KCNT2: variants seen among roughly 807,000 people sequenced by gnomAD.
KCNT2 encodes potassium channel subfamily T member 2.
A neutral mutation model predicts 153.8 loss-of-function variants in KCNT2; 67 were observed. The ratio of observed to expected loss-of-function variants is 0.44; its 90% CI spans 0.36 to 0.53. The LOEUF (loss-of-function observed/expected upper bound fraction) is 0.53, where lower values mean the gene tolerates loss of function less well. Ranked by LOEUF, KCNT2 falls within the 20% of genes least tolerant of loss-of-function variation. The pLI, the probability that KCNT2 is intolerant of heterozygous loss-of-function variation, is 0.00. For synonymous variants in KCNT2, 500 were observed against 458.8 expected (o/e 1.09, Z -1.15); for missense variants, 975 against 1,354.8 (o/e 0.72, Z 4.40).
chr1:196,251,803 C>A (rs1571799915), intron 26 of KCNT2, among the ~76,000 whole-genome samples: 1 of 151,850 alleles, frequency 6.6e-6, no homozygotes, highest in East Asian at 1.9e-4. Flanking sequence ...ATTATAGAAA[C>A]CTTATTAACC....
chr1:196,298,489 A>G (rs1326253394), intron 22 of KCNT2, among the ~76,000 whole-genome samples: 1 of 152,192 alleles, frequency 6.6e-6, no homozygotes, highest in Non-Finnish European at 1.5e-5. Flanking sequence ...AAAGTCTTAA[A>G]GGGTCTCCCA....
chr1:196,234,430 T>G (rs1008824204), intron 27 of KCNT2, among the ~76,000 whole-genome samples: 2 of 151,134 alleles, frequency 1.3e-5, no homozygotes, highest in African/African-American at 4.8e-5. Flanking sequence ...AATAATCAAG[T>G]CTCATTTTCT....
At chr1:196,293,131 T>G (rs1419068438) in intron 22 of KCNT2, among the ~76,000 whole-genome samples, 1 of 151,994 alleles carries the variant, frequency 6.6e-6, no homozygotes, top group African/African-American at 2.4e-5. Flanking sequence ...ATGACACAAA[T>G]AAATCTAAAG....
intron 3 of KCNT2, among the ~76,000 whole-genome samples, chr1:196,484,947 G>A (rs557197550): frequency 6.6e-6 from 1 of 152,148 alleles, no homozygotes; most frequent in South Asian, 2.1e-4. Context: ...CCATTACTGG[G>A]TATATAACCA....
chr1:196,558,445 T>G (rs1209685997), intron 1 of KCNT2, among the ~76,000 whole-genome samples: 1 of 151,042 alleles, frequency 6.6e-6, no homozygotes, highest in African/African-American at 2.4e-5. Flanking sequence ...TTGGGGGGTG[T>G]TTTTTACTTG....
chr1:196,264,465 C>T (rs1050411824), intron 25 of KCNT2, among the ~76,000 whole-genome samples: 1 of 152,032 alleles, frequency 6.6e-6, no homozygotes, highest in African/African-American at 2.4e-5. Context: ...TACCATATCT[C>T]ATCATAAATA....
chr1:196,453,306 G>C (rs1163286771), intron 8 of KCNT2, among the ~76,000 whole-genome samples: 2 of 151,792 alleles, frequency 1.3e-5, no homozygotes, highest in African/African-American at 2.4e-5. Flanking sequence ...CTTTGGCTCA[G>C]GTGGTCGCAG....
chr1:196,606,946 A>T (rs2149044173), intron 1 of KCNT2, among the ~76,000 whole-genome samples: 1 of 152,308 alleles, frequency 6.6e-6, no homozygotes, highest in South Asian at 2.1e-4. Context: ...AGAAATTGGT[A>T]TTACTTCTTT....
chr1:196,587,221 T>C (rs999812734), intron 1 of KCNT2, among the ~76,000 whole-genome samples: 1 of 152,084 alleles, frequency 6.6e-6, no homozygotes, highest in Non-Finnish European at 1.5e-5. Context: ...CATTTAGCAG[T>C]AATTATTACC....
chr1:196,560,222 T>C lies in KCNT2; in HGVS notation c.95+47993A>G, dbSNP rs953119887. Among the ~76,000 whole-genome samples, 4 of 151,782 alleles carry C rather than the reference T, an allele frequency of 2.6e-5. 1 individual carries two copies. Among genetic ancestry groups the C allele is most frequent in the African/African-American group, 9.7e-5 (4 of 41,418 alleles). On this transcript the variant is annotated intron_variant, in intron 1 of 27. Transcript: ENST00000294725. ...ATTTGCTGCAGGAGACAGCCCTTAA[T>C]AAAAGGAATGTTATGCAAAAGACGA... is the stretch of plus-strand genomic sequence containing the variant.
intron 14 of KCNT2, among the ~76,000 whole-genome samples, chr1:196,369,394 A>T (rs1267993337): frequency 6.6e-6 from 1 of 151,972 alleles, no homozygotes; most frequent in Non-Finnish European, 1.5e-5. Flanking sequence ...TTACATATGT[A>T]TACATGTGCC....
intron 26 of KCNT2, among the ~76,000 whole-genome samples, chr1:196,256,369 T>A (rs1190979664): frequency 1.3e-5 from 2 of 151,996 alleles, no homozygotes; most frequent in African/African-American, 2.4e-5. Flanking sequence ...CCTTGTAAGC[T>A]GTGGTCCATG....
At chr1:196,564,448 T>G (rs7540922) in intron 1 of KCNT2, among the ~76,000 whole-genome samples, 127,599 of 151,814 alleles carry the variant, frequency 0.84, 57,798 homozygotes, top group Non-Finnish European at 1. Flanking sequence ...GATTCATTGA[T>G]ATCCATATTA....
chr1:196,484,831 G>T (rs965786975), intron 3 of KCNT2, among the ~76,000 whole-genome samples: 1 of 151,978 alleles, frequency 6.6e-6, no homozygotes, highest in Non-Finnish European at 1.5e-5. Flanking sequence ...AATTAGGAAC[G>T]CTTTTACACT....
chr1:196,326,542 CATATTCAATG>C (rs1476063541), intron 19 of KCNT2, among the ~76,000 whole-genome samples, 165 bp downstream of exon 19: 2 of 152,028 alleles, frequency 1.3e-5, no homozygotes, highest in Non-Finnish European at 2.9e-5. Flanking sequence ...TGAATATAAT[CATATTCAATG>C]ATATATTTTG....
intron 14 of KCNT2, among the ~76,000 whole-genome samples, chr1:196,371,123 T>C (rs564898612): frequency 2.0e-5 from 3 of 149,398 alleles, no homozygotes; most frequent in Non-Finnish European, 4.4e-5. Flanking sequence ...ATGGCTCAGG[T>C]CTGTAATTCC....
chr1:196,565,862 T>C (rs904286715), intron 1 of KCNT2, among the ~76,000 whole-genome samples: 1 of 151,464 alleles, frequency 6.6e-6, no homozygotes, highest in East Asian at 1.9e-4. Context: ...GATACAAAAT[T>C]TATATTAGAT....
intron 8 of KCNT2, among the ~76,000 whole-genome samples, chr1:196,434,985 G>A (rs1186000755): frequency 6.6e-6 from 1 of 151,078 alleles, no homozygotes; most frequent in African/African-American, 2.4e-5. Flanking sequence ...GGCCATTACT[G>A]AAGTTGAAAG....
Position 196,391,686 on chromosome 1 carries a change from T to C in KCNT2, c.1294+6877A>G, listed in dbSNP as rs1670508359. Among the ~76,000 whole-genome samples, 5 of 151,330 alleles carry C rather than the reference T, an allele frequency of 3.3e-5. No homozygotes were observed. The South Asian group carries it at 8.3e-4, about 25-fold the overall frequency. ...GATGGCTTAAACATCTTTTGCAATATTTAAATTTTTAAATTTTCATTTAAA... is the reference window on the plus strand; with the variant it reads ...GATGGCTTAAACATCTTTTGCAATACTTAAATTTTTAAATTTTCATTTAAA... On this transcript the variant is annotated intron_variant, in intron 13 of 27. Coordinates refer to ENST00000294725, the MANE Select transcript of KCNT2 (RefSeq NM_198503.5).
Sources: gnomAD v4.1 joint callset for allele counts (sites outside exome capture counted in the v4.1 genomes callset) on GRCh38, gnomAD v4.1.1 for gene constraint, MANE v1.5 for transcripts, NCBI Gene and HGNC (gene_info 2026-07-23, HGNC 2026-07-21) for gene names.